Variants in CELF1 observed in about 807,000 individuals in gnomAD.
CELF1 encodes 50 kDa nuclear polyadenylated RNA-binding protein.
Under a neutral mutation model 61.8 loss-of-function variants are expected in CELF1, and 10 were observed. That is an observed-to-expected ratio of 0.16 (90% CI 0.10 to 0.27). CELF1 has a LOEUF of 0.27. CELF1 is among the 10% of genes least tolerant of loss of function. The pLI is 1.00. For synonymous variants in CELF1, 236 were observed against 225.1 expected, an observed-to-expected ratio of 1.05 and a Z score of -0.43; for missense variants, 380 against 639.1, an observed-to-expected ratio of 0.59 and a Z score of 4.37.
At chr11:47,499,390 C>T in intron 3 of CELF1, 63 bp downstream of exon 3, 1 of 1,321,806 alleles carries the variant, frequency 7.6e-7, no homozygotes, top group Non-Finnish European at 1.0e-6. Flanking sequence ...CCAATTTCAT[C>T]AAATAAAGAA....
At chr11:47,505,419 G>A (rs2094398918) in intron 1 of CELF1, among the ~76,000 whole-genome samples, 1 of 151,066 alleles carries the variant, frequency 6.6e-6, no homozygotes, top group East Asian at 1.9e-4. Flanking sequence ...AGATCACGAG[G>A]TCAGATCGAG....
intron 1 of CELF1, among the ~76,000 whole-genome samples, chr11:47,523,015 T>C (rs531874488): frequency 2.6e-5 from 4 of 152,098 alleles, no homozygotes; most frequent in Non-Finnish European, 5.9e-5. Context: ...GTCCAGTATA[T>C]CTTCATTATG....
At chr11:47,533,330 T>C (rs1475328484) in intron 1 of CELF1, among the ~76,000 whole-genome samples, 1 of 152,002 alleles carries the variant, frequency 6.6e-6, no homozygotes, top group African/African-American at 2.4e-5. Context: ...CTACTAAAAA[T>C]ACAAAAATTG....
chr11:47,524,173 T>C (rs1290829714), intron 1 of CELF1, among the ~76,000 whole-genome samples: 1 of 152,110 alleles, frequency 6.6e-6, no homozygotes, highest in Non-Finnish European at 1.5e-5. Flanking sequence ...GTGCACTAAA[T>C]CATTTCTTAA....
At chr11:47,487,082 T>G (rs945278535) in intron 5 of CELF1, 77 bp downstream of exon 5, 1 of 1,166,742 alleles carries the variant, frequency 8.6e-7, no homozygotes, top group Non-Finnish European at 1.3e-6. Flanking sequence ...TGGTTTTCAG[T>G]GTGTGTCTGA....
At chr11:47,497,532 T>C (rs1480448645) in intron 3 of CELF1, among the ~76,000 whole-genome samples, 1 of 152,250 alleles carries the variant, frequency 6.6e-6, no homozygotes. Flanking sequence ...GGGTTTCTCA[T>C]GTTTAAAATC....
intron 7 of CELF1, among the ~76,000 whole-genome samples, chr11:47,483,927 G>T (rs944997455): frequency 2.0e-5 from 3 of 152,292 alleles, no homozygotes; most frequent in Middle Eastern, 3.4e-3. Context: ...CTGATAGGAG[G>T]AGTCAAGACA....
At position 47,475,484 on chromosome 11, in the gene CELF1, G is replaced by A. The variant is rs201135792; in HGVS notation, c.1125C>T (p.Gly375=). The change falls in exon 13 of 15, where the codon GGC becomes GGT. Residue 375 remains glycine, a synonymous_variant. Coordinates refer to ENST00000687097, the MANE Select transcript of CELF1 (RefSeq NM_001376376.1). Reference sequence around the variant, plus strand: ...TGGTGCTCCCGGTGCCATTGGAAAGGCCACTGCTGCCCAGGCCACCATTTA... The same window carrying A: ...TGGTGCTCCCGGTGCCATTGGAAAGACCACTGCTGCCCAGGCCACCATTTA... ...AALNGGLGSS[G]LSNGTGSTME... is the part of the protein sequence containing the mutation. 54 of 1,613,852 alleles carry A rather than the reference G, an allele frequency of 3.3e-5. No individual in the cohort carries two copies. Among genetic ancestry groups the A allele is most frequent in the Non-Finnish European group, 4.3e-5 (51 of 1,180,040 alleles).
intron 3 of CELF1, 101 bp from the exon 4 acceptor site, chr11:47,489,125 GA>G (rs1164527551): frequency 2.5e-5 from 26 of 1,029,876 alleles, no homozygotes; most frequent in Admixed American, 3.9e-5. Context: ...GAACGTAAGG[GA>G]AAAAAAATCT....
intron 1 of CELF1, among the ~76,000 whole-genome samples, chr11:47,521,064 A>G (rs1045128360): frequency 6.6e-6 from 1 of 152,134 alleles, no homozygotes; most frequent in Non-Finnish European, 1.5e-5. Context: ...ATCCTGGCTA[A>G]TACAGTGAAA....
At chr11:47,543,057 C>G (rs575552749) in intron 1 of CELF1, among the ~76,000 whole-genome samples, 1 of 152,132 alleles carries the variant, frequency 6.6e-6, no homozygotes, top group Admixed American at 6.6e-5. Flanking sequence ...GAGTTCCAGG[C>G]TATAATTGCA....
chr11:47,501,663 A>G (rs1000300001), intron 1 of CELF1, among the ~76,000 whole-genome samples: 1 of 145,226 alleles, frequency 6.9e-6, no homozygotes, highest in South Asian at 2.2e-4. Context: ...AAAAAATATC[A>G]AAAAAAAAAA....
At chr11:47,474,400 T>C (rs1364428692) in intron 13 of CELF1, among the ~76,000 whole-genome samples, 1 of 152,222 alleles carries the variant, frequency 6.6e-6, no homozygotes. Flanking sequence ...AGTTCTCTGC[T>C]TAAATGTCAA....
intron 3 of CELF1, chr11:47,494,299 A>G (rs1299426219): frequency 1.3e-6 from 1 of 741,264 alleles, no homozygotes; most frequent in African/African-American, 1.9e-5. Context: ...TTATGTTTCT[A>G]CTACTGGCAG....
At chr11:47,506,770 C>T (rs536402670) in intron 1 of CELF1, 2 of 152,326 alleles carry the variant, frequency 1.3e-5, no homozygotes, top group African/African-American at 4.8e-5. Flanking sequence ...TTTCTGAAAG[C>T]AACTTTTTCA....
At chr11:47,545,468 TAA>T (rs1336988445) in intron 1 of CELF1, among the ~76,000 whole-genome samples, 3 of 151,920 alleles carry the variant, frequency 2.0e-5, no homozygotes, top group African/African-American at 7.3e-5. Context: ...TTCAGAACCA[TAA>T]AGTCTCCAAT....
At chr11:47,552,236 G>A (rs952024137) in intron 1 of CELF1, among the ~76,000 whole-genome samples, 3 of 152,166 alleles carry the variant, frequency 2.0e-5, no homozygotes, top group Non-Finnish European at 4.4e-5. Context: ...CTATGGGTAT[G>A]AGCCTAAACC....
Position 47,466,324 on chromosome 11 carries a change from T to A in CELF1, c.*5906A>T, listed in dbSNP as rs1178578786. The A allele has an allele frequency of 6.6e-6, 1 of 152,154 alleles. No individual in the cohort carries two copies. Among genetic ancestry groups the A allele is most frequent in the Non-Finnish European group, 1.5e-5 (1 of 68,020 alleles). 9.4% of individuals were successfully genotyped at this position (152,154 alleles called of 1,614,324 possible). A position where few individuals can be genotyped will look rare whatever the true frequency, so the allele number is the denominator to read the frequency against. ...AAAGAAAGGAAAAGCTCAAACAAGA[T>A]AAAGGAAAAGCATTTCTACGGCTGA... is the stretch of plus-strand genomic sequence containing the variant. On this transcript the variant is annotated 3_prime_UTR_variant, in exon 15 of 15. Transcript: ENST00000687097.
At chr11:47,484,643 A>G in intron 6 of CELF1, 120 bp from the exon 7 acceptor site, 1 of 749,650 alleles carries the variant, frequency 1.3e-6, no homozygotes, top group Non-Finnish European at 2.2e-6. Context: ...TTACAGATTC[A>G]AAGACACACA....
Sources: gnomAD v4.1 joint callset for allele counts (sites outside exome capture counted in the v4.1 genomes callset) on GRCh38, gnomAD v4.1.1 for gene constraint, MANE v1.5 for transcripts, NCBI Gene and HGNC (gene_info 2026-07-23, HGNC 2026-07-21) for gene names.